The following ATG10 variants were observed in gnomAD, a reference collection of about 807,000 sequenced individuals.
The protein encoded by ATG10 is ubiquitin-like-conjugating enzyme ATG10.
ATG10 carries 30 observed loss-of-function variants against 32.1 expected under a neutral mutation model. The observed-to-expected ratio is 0.94, with a 90% confidence interval of 0.70 to 1.27. ATG10 has a LOEUF of 1.27. Ranked by LOEUF, ATG10 falls within the 50% of genes most tolerant of loss-of-function variation. The pLI is 0.00. For synonymous variants in ATG10, 87 were observed against 91.5 expected, an observed-to-expected ratio of 0.95 and a Z score of 0.28; for missense variants, 233 against 262.3, an observed-to-expected ratio of 0.89 and a Z score of 0.77.
intron 3 of ATG10, among the ~76,000 whole-genome samples, chr5:82,060,355 A>G (rs556550329): frequency 5.8e-4 from 88 of 152,298 alleles, no homozygotes; most frequent in African/African-American, 1.8e-3. Context: ...TTTTGATGCA[A>G]TAATTTTAAT....
chr5:81,995,709 A>G (rs1761645748), intron 2 of ATG10, among the ~76,000 whole-genome samples: 1 of 152,190 alleles, frequency 6.6e-6, no homozygotes, highest in Non-Finnish European at 1.5e-5. Context: ...GGTGAAAATG[A>G]TCTGCTGGCA....
intron 3 of ATG10, among the ~76,000 whole-genome samples, chr5:82,141,351 C>G (rs1767127231): frequency 2.0e-5 from 3 of 151,840 alleles, no homozygotes; most frequent in Admixed American, 2.0e-4. Flanking sequence ...ACACTTGATT[C>G]AATCACAATC....
intron 3 of ATG10, among the ~76,000 whole-genome samples, chr5:82,160,511 A>G (rs1743277371): frequency 6.6e-6 from 1 of 152,162 alleles, no homozygotes; most frequent in Non-Finnish European, 1.5e-5. Flanking sequence ...CTCTGGGATA[A>G]ATCCTCGAGT....
intron 5 of ATG10, among the ~76,000 whole-genome samples, chr5:82,231,284 T>C (rs1746360585): frequency 6.6e-6 from 1 of 152,240 alleles, no homozygotes; most frequent in African/African-American, 2.4e-5. Flanking sequence ...TGTAAGAAAT[T>C]GATATGATCA....
At chr5:82,169,554 G>C (rs1193669999) in intron 4 of ATG10, among the ~76,000 whole-genome samples, 1 of 152,112 alleles carries the variant, frequency 6.6e-6, no homozygotes. Context: ...AACGACTCTA[G>C]TTAATTACTA....
intron 3 of ATG10, among the ~76,000 whole-genome samples, chr5:82,139,875 G>A (rs1371805161): frequency 1.7e-4 from 22 of 132,764 alleles, no homozygotes; most frequent in Admixed American, 5.1e-4. Context: ...CAGCCGCCCC[G>A]TCCGGGAGGG....
chr5:82,114,445 T>G (rs187170216), intron 3 of ATG10, among the ~76,000 whole-genome samples: 1 of 152,222 alleles, frequency 6.6e-6, no homozygotes, highest in Admixed American at 6.6e-5. Context: ...AACCAATTAT[T>G]TGGTTTCCTG....
chr5:82,253,198 A>C, intron 6 of ATG10, 116 bp from the exon 7 acceptor site: 1 of 718,366 alleles, frequency 1.4e-6, no homozygotes, highest in East Asian at 2.5e-5. Flanking sequence ...TGGTAGGTAC[A>C]AATCTTTGAA....
chr5:82,216,384 A>T (rs1745680788), intron 5 of ATG10, among the ~76,000 whole-genome samples: 1 of 152,206 alleles, frequency 6.6e-6, no homozygotes, highest in Non-Finnish European at 1.5e-5. Context: ...TTCCTTTTTC[A>T]TACCCAGACC....
intron 3 of ATG10, among the ~76,000 whole-genome samples, chr5:82,087,516 T>C (rs990999723): frequency 6.6e-6 from 1 of 152,314 alleles, no homozygotes; most frequent in African/African-American, 2.4e-5. Flanking sequence ...TTTCTACTTT[T>C]CTGACTGTGT....
At chr5:82,128,653 A>G (rs1195447526) in intron 3 of ATG10, among the ~76,000 whole-genome samples, 2 of 144,944 alleles carry the variant, frequency 1.4e-5, no homozygotes, top group African/African-American at 2.5e-5. Context: ...CTGCAGAGAG[A>G]TCCACTGTTG....
At chr5:82,099,414 A>G (rs1408688235) in intron 3 of ATG10, among the ~76,000 whole-genome samples, 1 of 151,944 alleles carries the variant, frequency 6.6e-6, no homozygotes, top group East Asian at 1.9e-4. Context: ...AAATAAATAC[A>G]TTAATATATG....
At chr5:82,247,250 T>A (rs926340647) in intron 5 of ATG10, among the ~76,000 whole-genome samples, 1 of 152,234 alleles carries the variant, frequency 6.6e-6, no homozygotes, top group African/African-American at 2.4e-5. Context: ...TCTCCTTCTC[T>A]TTTTCAGATT....
At position 82,010,099 on chromosome 5, in the gene ATG10, A is replaced by G. The variant is rs1762089026; in HGVS notation, c.108+22421A>G. ...AACACGGTGGGGTTGACCATGGCTA[A>G]TAGTACACAGTTTTCCTCGGCGGCG... On this transcript the variant is annotated intron_variant, in intron 2 of 7. Coordinates refer to ENST00000282185, the MANE Select transcript of ATG10 (RefSeq NM_031482.5). 3.1e-6 allele frequency: 5 copies of G among 1,600,270 alleles called. No homozygotes were observed. In the Middle Eastern group the frequency reaches 5.0e-4, roughly 160 times the overall value.
intron 3 of ATG10, among the ~76,000 whole-genome samples, chr5:82,139,521 C>T (rs1766949096): frequency 6.8e-6 from 1 of 147,402 alleles, no homozygotes; most frequent in Non-Finnish European, 1.5e-5. Flanking sequence ...AGGAGCGCCT[C>T]TGCCCGGCCG....
intron 3 of ATG10, among the ~76,000 whole-genome samples, chr5:82,071,573 C>T (rs988187787): frequency 6.6e-6 from 1 of 152,100 alleles, no homozygotes; most frequent in Non-Finnish European, 1.5e-5. Context: ...CCAGAGGTAT[C>T]TAGTACCTTT....
At chr5:82,221,782 C>T (rs1745938538) in intron 5 of ATG10, among the ~76,000 whole-genome samples, 1 of 152,198 alleles carries the variant, frequency 6.6e-6, no homozygotes, top group Non-Finnish European at 1.5e-5. Flanking sequence ...ATGCTACTTT[C>T]AGACTGTTAT....
chr5:82,042,797 C>T (rs570890323), intron 2 of ATG10, among the ~76,000 whole-genome samples: 2 of 152,202 alleles, frequency 1.3e-5, no homozygotes, highest in South Asian at 4.1e-4. Flanking sequence ...ATATCCTGGG[C>T]ATGCTGATGC....
At chr5:81,982,544 G>GT (rs547076127) in intron 1 of ATG10, among the ~76,000 whole-genome samples, 2,331 of 145,830 alleles carry the variant, frequency 0.016, 30 homozygotes, top group Non-Finnish European at 0.023. Context: ...GAGATTCATT[G>GT]TTTTTTTTTT....
Sources: gnomAD v4.1 joint callset for allele counts (sites outside exome capture counted in the v4.1 genomes callset) on GRCh38, gnomAD v4.1.1 for gene constraint, MANE v1.5 for transcripts, NCBI Gene and HGNC (gene_info 2026-07-23, HGNC 2026-07-21) for gene names.